Variants in KRT9 observed in about 807,000 individuals in gnomAD.
KRT9 encodes the protein keratin, type I cytoskeletal 9.
Under a neutral mutation model 51.4 loss-of-function variants are expected in KRT9, and 34 were observed. The observed-to-expected ratio is 0.66, with a 90% confidence interval of 0.50 to 0.88. KRT9 has a LOEUF of 0.88. KRT9 is among the 40% of genes least tolerant of loss of function. The pLI is 0.00. For missense variants in KRT9, 753 were observed against 790.3 expected, an observed-to-expected ratio of 0.95 and a Z score of 0.57; for synonymous variants, 292 against 289.7, an observed-to-expected ratio of 1.01 and a Z score of -0.08.
chr17:41,567,773 G>C (rs1290107235), intron 6 of KRT9, 23 bp from the exon 7 acceptor site: 2 of 1,613,892 alleles, frequency 1.2e-6, no homozygotes, highest in South Asian at 2.2e-5. Context: ...GAAAACAAGA[G>C]AGTTAAAATG....
intron 3 of KRT9, 128 bp downstream of exon 3, chr17:41,569,731 G>T: frequency 2.0e-6 from 3 of 1,481,672 alleles, no homozygotes; most frequent in Non-Finnish European, 2.8e-6. Context: ...TGATGCCAAG[G>T]AGAAGTTGAA....
At position 41,567,119 on chromosome 17, in the gene KRT9, C is replaced by T; in HGVS notation, c.*40+114G>A. 7.2e-6 allele frequency: 11 copies of T among 1,520,658 alleles called. No homozygotes were observed. In the South Asian group the frequency reaches 1.2e-4, roughly 17 times the overall value. The allele number at this position is 1,520,658 out of a possible 1,614,324, so 94.2% of individuals were successfully genotyped here. A position where few individuals can be genotyped will look rare whatever the true frequency, so the allele number is the denominator to read the frequency against. The stretch of plus-strand genomic sequence containing the variant: ...GTCTCTGACACCTCACTAGAGATTT[C>T]CCTAACATCTAGCTCTATTCAGAAT... On this transcript the variant is annotated intron_variant, in intron 7 of 7. Transcript: ENST00000246662.
intron 1 of KRT9, 115 bp from the exon 2 acceptor site, chr17:41,570,335 A>C: frequency 1.1e-6 from 1 of 892,806 alleles, no homozygotes. Flanking sequence ...TCTCAAGAGG[A>C]ATGAGGAACT....
rs115534630 is a variant in KRT9, at chr17:41,571,556, C to T, written c.437G>A (p.Gly146Asp). ...GFGGGAGGGD[G>D]GILTANEKST... ...CTTCTCATTAGCAGTCAGAATACCA[C>T]CATCACCTCCTCCAGCACCACCTCC... is the stretch of plus-strand genomic sequence containing the variant. The change falls in exon 1 of 8, where the codon GGT becomes GAT. Residue 146 changes from glycine (G) to aspartate (D), a missense_variant. Transcript: ENST00000246662. 257 of 1,613,168 alleles carry T rather than the reference C, an allele frequency of 1.6e-4. 1 individual carries two copies. The East Asian group carries it at 5.6e-3, about 35-fold the overall frequency.
Position 41,567,279 on chromosome 17 carries a change from A to G in KRT9, c.1866T>C (p.His622=), listed in dbSNP as rs556231000. The change falls in exon 7 of 8, where the codon CAT becomes CAC. Residue 622 remains histidine (H), a synonymous_variant. Coordinates refer to ENST00000246662, the MANE Select transcript of KRT9 (RefSeq NM_000226.4). ...CAGATTTTGAGGAAGAAGACTAGGA[A>G]TGGGATGATTTTCCGCTTCCTCCTC... ...GYGGGSGKSS[H]S is the part of the protein sequence containing the mutation. 1.1e-5 allele frequency: 18 copies of G among 1,614,092 alleles called. No individual in the cohort carries two copies. The highest frequency in any genetic ancestry group is 1.5e-5 in the Non-Finnish European group (18 of 1,180,032).
At chr17:41,567,187 G>T in intron 7 of KRT9, 46 bp downstream of exon 7, 3 of 1,582,486 alleles carry the variant, frequency 1.9e-6, no homozygotes, top group Admixed American at 1.8e-5. Flanking sequence ...AAAAAAAAAA[G>T]GTGAGACCTT....
chr17:41,569,756 C>T, intron 3 of KRT9, 103 bp downstream of exon 3: 3 of 1,526,030 alleles, frequency 2.0e-6, no homozygotes, highest in Non-Finnish European at 2.7e-6. Context: ...TCCTCAAGAG[C>T]AAAGGAGAGG....
intron 4 of KRT9, among the ~76,000 whole-genome samples, chr17:41,569,072 C>T (rs752400953): frequency 2.9e-4 from 44 of 152,184 alleles, no homozygotes; most frequent in Non-Finnish European, 4.9e-4. Flanking sequence ...TATCCCTCTG[C>T]TATAGTCTTA....
Position 41,569,967 on chromosome 17 carries a change from AT to A in KRT9, c.773del (p.Asn258MetfsTer10), listed in dbSNP as rs1381502817. The A allele has an allele frequency of 6.2e-7, 1 of 1,614,084 alleles. No individual in the cohort carries two copies. Among genetic ancestry groups the A allele is most frequent in the South Asian group, 1.1e-5 (1 of 91,084 alleles). On this transcript the variant is annotated frameshift_variant, in exon 3 of 8. Transcript: ENST00000246662. LOFTEE classifies it high-confidence loss of function. ...NLRQGVDADI[N>X]GLRQVLDNLT... ...GATTGTCCAGCACCTGCCGCAGGCC[AT>A]TGATGTCAGCATCCACTCCTTGCCG...
intron 6 of KRT9, among the ~76,000 whole-genome samples, 173 bp from the exon 7 acceptor site, chr17:41,567,923 A>G (rs1246046400): frequency 6.6e-6 from 1 of 152,046 alleles, no homozygotes; most frequent in Non-Finnish European, 1.5e-5. Context: ...CCTCCAGCTG[A>G]GACTGTGGAG....
At position 41,571,377 on chromosome 17, in the gene KRT9, T is replaced by G. The variant is rs1907069839; in HGVS notation, c.616A>C (p.Asn206His). Residue 206 changes from asparagine to histidine, a missense_variant, in exon 1 of 8, where the codon AAC becomes CAC. Around this residue, in one of 3 missense-constraint regions of KRT9, gnomAD observed 507 missense variants for 563.7 expected, o/e 0.90. Transcript: ENST00000246662. ...TGGTCCTTGAGATCATCAATAGTGTTATAATAAGGGGAGTAGTTCTTCTGG... is the reference window on the plus strand; with the variant it reads ...TGGTCCTTGAGATCATCAATAGTGTGATAATAAGGGGAGTAGTTCTTCTGG... ...AIQKNYSPYY[N>H]TIDDLKDQIV... The G allele has an allele frequency of 1.2e-6, 2 of 1,613,934 alleles. No individual in the cohort carries two copies. The highest frequency in any genetic ancestry group is 3.3e-5 in the Admixed American group (2 of 59,988).
Position 41,567,224 on chromosome 17 carries a change from G to A in KRT9, c.*40+9C>T, listed in dbSNP as rs763657939. The A allele has an allele frequency of 3.1e-6, 5 of 1,612,514 alleles. No individual in the cohort carries two copies. In the Admixed American group the frequency reaches 5.0e-5, roughly 16 times the overall value. On this transcript the variant is annotated intron_variant, in intron 7 of 7. Coordinates refer to ENST00000246662, the MANE Select transcript of KRT9 (RefSeq NM_000226.4). ...ACTCTCCACCCCACAACCTAGGATT[G>A]TCCCTTACCTTTTGTCTCATCTTGG...
Position 41,571,547 on chromosome 17 carries a change from A to G in KRT9, c.446T>C (p.Leu149Pro). 2 of 1,613,740 alleles carry G rather than the reference A, an allele frequency of 1.2e-6. No individual in the cohort carries two copies. The highest frequency in any genetic ancestry group is 1.1e-5 in the South Asian group (1 of 91,026). ...CATGGTGCTCTTCTCATTAGCAGTC[A>G]GAATACCACCATCACCTCCTCCAGC... ...GGAGGGDGGI[L>P]TANEKSTMQE... The change falls in exon 1 of 8, where the codon CTG becomes CCG. Residue 149 changes from leucine (L) to proline (P), a missense_variant. Coordinates refer to ENST00000246662, the MANE Select transcript of KRT9 (RefSeq NM_000226.4).
At chr17:41,570,101 G>T (rs1441076507) in intron 2 of KRT9, 37 bp downstream of exon 2, 1 of 1,611,680 alleles carries the variant, frequency 6.2e-7, no homozygotes, top group South Asian at 1.1e-5. Flanking sequence ...AGGGGTAAGG[G>T]CTGATGACAG....
chr17:41,568,550 A>C lies in KRT9; in HGVS notation c.1128T>G (p.Gly376=). The change falls in exon 5 of 8, where the codon GGT becomes GGG. Residue 376 remains glycine (G), a synonymous_variant. Transcript: ENST00000246662. ...SAKEVTQLRH[G]VQELEIELQS... is the part of the protein sequence containing the mutation. Reference sequence around the variant, plus strand: ...GCAGCTCAATCTCCAACTCCTGGACACCGTGCCGGAGCTGGGTCACCTCCT... The same window carrying C: ...GCAGCTCAATCTCCAACTCCTGGACCCCGTGCCGGAGCTGGGTCACCTCCT... 6.2e-7 allele frequency: 1 copy of C among 1,614,124 alleles called. No individual in the cohort carries two copies. The highest frequency in any genetic ancestry group is 8.5e-7 in the Non-Finnish European group (1 of 1,180,000).
In KRT9 at chr17:41,567,783, G is replaced by A. The variant is rs371728078; in HGVS notation, c.1395-33C>T. 7.1e-5 allele frequency: 114 copies of A among 1,613,474 alleles called. 2 individuals are homozygous for A. The highest frequency in any genetic ancestry group is 9.2e-5 in the Non-Finnish European group (108 of 1,180,024). On this transcript the variant is annotated intron_variant, in intron 6 of 7. Transcript: ENST00000246662. Reference sequence around the variant, plus strand: ...AGAAAGAAAACAAGAGAGTTAAAATGAGCGGCCCCCATACACATATATGAG... The same window carrying A: ...AGAAAGAAAACAAGAGAGTTAAAATAAGCGGCCCCCATACACATATATGAG...
chr17:41,566,583 A>G (rs1480449331), intron 7 of KRT9, among the ~76,000 whole-genome samples: 2 of 152,220 alleles, frequency 1.3e-5, no homozygotes, highest in Non-Finnish European at 1.5e-5. Flanking sequence ...AAACATTCCC[A>G]GTTATATTAC....
In KRT9 at chr17:41,571,893, G is replaced by C; in HGVS notation, c.100C>G (p.Arg34Gly). 1 of 1,609,048 alleles carries C rather than the reference G, an allele frequency of 6.2e-7. No individual in the cohort carries two copies. Among genetic ancestry groups the C allele is most frequent in the Non-Finnish European group, 8.5e-7 (1 of 1,178,060 alleles). ...SGGSIRSSYS[R>G]FSSSGGGGGG... ...CCACCGCCCCCTGAGGAGCTGAAGC[G>C]GCTGTAGGAAGACCTTATGCTGCCC... The change falls in exon 1 of 8, where the codon CGC (arginine) becomes GGC (glycine). Residue 34 changes from arginine (R) to glycine (G), a missense_variant. Coordinates refer to ENST00000246662, the MANE Select transcript of KRT9 (RefSeq NM_000226.4).
chr17:41,568,904 TCAAA>T (rs1906973761), intron 4 of KRT9, among the ~76,000 whole-genome samples: 1 of 122,110 alleles, frequency 8.2e-6, no homozygotes, highest in Non-Finnish European at 1.7e-5. Context: ...CCCCCACCTT[TCAAA>T]CATACACACA....
Sources: gnomAD v4.1 joint callset for allele counts (sites outside exome capture counted in the v4.1 genomes callset) on GRCh38, gnomAD v4.1.1 for gene constraint, gnomAD v4.1.1 regional missense constraint, MANE v1.5 for transcripts, NCBI Gene and HGNC (gene_info 2026-07-23, HGNC 2026-07-21) for gene names.